The following SEMA6D variants were observed in gnomAD, a reference collection of about 807,000 sequenced individuals.
SEMA6D encodes semaphorin-6D.
A neutral mutation model predicts 106.6 loss-of-function variants in SEMA6D; 35 were observed. The observed-to-expected ratio is 0.33, with a 90% CI of 0.25 to 0.44. The LOEUF (loss-of-function observed/expected upper bound fraction) is 0.44, where lower values mean the gene tolerates loss of function less well. SEMA6D is among the 20% of genes least tolerant of loss of function. SEMA6D has a pLI of 1.00. For missense variants in SEMA6D, 1,185 were observed against 1,345.9 expected (o/e 0.88, Z 1.87); for synonymous variants, 499 against 487.7 (o/e 1.02, Z -0.31).
intron 1 of SEMA6D, among the ~76,000 whole-genome samples, chr15:47,217,334 C>A (rs1422774219): frequency 6.6e-6 from 1 of 152,104 alleles, no homozygotes; most frequent in Non-Finnish European, 1.5e-5. Flanking sequence ...TCAGGATTTA[C>A]CCCAGTAACA....
intron 1 of SEMA6D, among the ~76,000 whole-genome samples, chr15:47,343,019 T>G (rs1400746629): frequency 6.6e-6 from 1 of 152,128 alleles, no homozygotes; most frequent in Non-Finnish European, 1.5e-5. Context: ...AGCCCTCAAA[T>G]TACTTTTAAG....
At chr15:47,452,954 ATTTG>A (rs1424916424) in intron 2 of SEMA6D, among the ~76,000 whole-genome samples, 2 of 151,908 alleles carry the variant, frequency 1.3e-5, no homozygotes, top group African/African-American at 2.4e-5. Context: ...TGAGTTTTTT[ATTTG>A]TTTGTTTGTT....
chr15:47,404,837 A>T (rs1371447112), intron 1 of SEMA6D, among the ~76,000 whole-genome samples: 2 of 152,152 alleles, frequency 1.3e-5, no homozygotes. Context: ...TGTAAAGGAT[A>T]AAAAGGTACA....
At chr15:47,267,002 C>T (rs982297901) in intron 1 of SEMA6D, among the ~76,000 whole-genome samples, 2 of 152,164 alleles carry the variant, frequency 1.3e-5, no homozygotes, top group Non-Finnish European at 2.9e-5. Context: ...GAGCTCCTCT[C>T]TGTGTCATGC....
At chr15:47,272,316 A>G (rs1595597137) in intron 1 of SEMA6D, among the ~76,000 whole-genome samples, 1 of 152,240 alleles carries the variant, frequency 6.6e-6, no homozygotes, top group South Asian at 2.1e-4. Context: ...TTAAATCTCT[A>G]CTCAAAAAGA....
At chr15:47,618,773 A>AG (rs894065893) in intron 4 of SEMA6D, among the ~76,000 whole-genome samples, 1 of 152,252 alleles carries the variant, frequency 6.6e-6, no homozygotes, top group African/African-American at 2.4e-5. Flanking sequence ...ATAACTTCAT[A>AG]GGTAACATTG....
intron 1 of SEMA6D, among the ~76,000 whole-genome samples, chr15:47,400,984 A>G (rs758514755): frequency 2.0e-5 from 3 of 152,220 alleles, no homozygotes; most frequent in Admixed American, 6.5e-5. Flanking sequence ...ACTGCTGTCA[A>G]TTATTAGTAG....
At chr15:47,482,039 A>G (rs929061226) in intron 3 of SEMA6D, among the ~76,000 whole-genome samples, 1 of 152,156 alleles carries the variant, frequency 6.6e-6, no homozygotes, top group Non-Finnish European at 1.5e-5. Context: ...CAAGGCATGC[A>G]AGGAAAACAG....
Position 47,770,585 on chromosome 15 carries a change from G to A in SEMA6D, c.2022G>A (p.Leu674=), listed in dbSNP as rs2082577636. 1 of 1,613,764 alleles carries A rather than the reference G, an allele frequency of 6.2e-7. No homozygotes were observed. Among genetic ancestry groups the A allele is most frequent in the African/African-American group, 1.3e-5 (1 of 74,868 alleles). ...CCTGTGTCTTTGCTGCTTTTGTTTTGGGGGCATTCATTGCAGGTGTGGCAG... is the reference window on the plus strand; with the variant it reads ...CCTGTGTCTTTGCTGCTTTTGTTTTAGGGGCATTCATTGCAGGTGTGGCAG... ...LITCVFAAFV[L]GAFIAGVAVY... is the part of the protein sequence containing the mutation. Residue 674 remains leucine (L), a synonymous_variant, in exon 19 of 19, where the codon TTG becomes TTA. Transcript: ENST00000536845.
chr15:47,723,450 C>G (rs1009638448), intron 1 of SEMA6D, among the ~76,000 whole-genome samples: 2 of 152,138 alleles, frequency 1.3e-5, no homozygotes. Flanking sequence ...AGGTGAAGAT[C>G]CATTACGTAT....
At chr15:47,346,033 TG>T (rs140992699) in intron 1 of SEMA6D, among the ~76,000 whole-genome samples, 2,097 of 152,306 alleles carry the variant, frequency 0.014, 51 homozygotes, top group African/African-American at 0.049. Context: ...ATGAAATGTT[TG>T]TACCCATATC....
chr15:47,264,581 G>T (rs1043557652), intron 1 of SEMA6D, among the ~76,000 whole-genome samples: 11 of 151,976 alleles, frequency 7.2e-5, no homozygotes, highest in Non-Finnish European at 1.3e-4. Context: ...GTGTATGTGT[G>T]CATGTTTTAT....
chr15:47,252,505 T>G (rs1018404947), intron 1 of SEMA6D, among the ~76,000 whole-genome samples: 2 of 152,132 alleles, frequency 1.3e-5, no homozygotes, highest in African/African-American at 4.8e-5. Context: ...ACTCTTCCTA[T>G]CTAACTGTTA....
At chr15:47,630,507 G>T (rs1380441175) in intron 4 of SEMA6D, among the ~76,000 whole-genome samples, 1 of 151,546 alleles carries the variant, frequency 6.6e-6, no homozygotes, top group Admixed American at 6.6e-5. Context: ...TTTTTTTTGA[G>T]ATTTTCTATG....
chr15:47,329,857 C>T (rs1281974268), intron 1 of SEMA6D, among the ~76,000 whole-genome samples: 2 of 152,122 alleles, frequency 1.3e-5, no homozygotes, highest in Non-Finnish European at 2.9e-5. Context: ...CTACTGTTGC[C>T]TCATTAACAT....
chr15:47,512,964 G>A (rs1385842542), intron 3 of SEMA6D, among the ~76,000 whole-genome samples: 2 of 152,136 alleles, frequency 1.3e-5, no homozygotes, highest in African/African-American at 4.8e-5. Context: ...ACCAAGGCAG[G>A]CCTTAACAGA....
In SEMA6D at chr15:47,661,560, A is replaced by G. The variant is rs554941965; in HGVS notation, c.-55+60664A>G. 2.0e-5 allele frequency among the ~76,000 whole-genome samples: 3 copies of G among 152,302 alleles called. No homozygotes were observed. The South Asian group carries it at 6.2e-4, about 32-fold the overall frequency. On this transcript the variant is annotated intron_variant, in intron 4 of 19. Transcript: ENST00000558014. ...GGAGGAACTCAGAGAGAAAAACAGT[A>G]TTAGTGAAAAGCTCATTCCAGGAAG...
chr15:47,547,914 C>G (rs1003692579), intron 3 of SEMA6D, among the ~76,000 whole-genome samples: 1 of 152,168 alleles, frequency 6.6e-6, no homozygotes, highest in Non-Finnish European at 1.5e-5. Flanking sequence ...CACCAACATT[C>G]ATCCTAAGTT....
At chr15:47,554,335 G>A (rs2045854777) in intron 3 of SEMA6D, among the ~76,000 whole-genome samples, 2 of 152,162 alleles carry the variant, frequency 1.3e-5, no homozygotes, top group Admixed American at 6.6e-5. Flanking sequence ...TAGCTGCTTA[G>A]CCTGGAGAAG....
Sources: gnomAD v4.1 joint callset for allele counts (sites outside exome capture counted in the v4.1 genomes callset) on GRCh38, gnomAD v4.1.1 for gene constraint, MANE v1.5 for transcripts, NCBI Gene and HGNC (gene_info 2026-07-23, HGNC 2026-07-21) for gene names.